The following AMN1 variants were observed in gnomAD, a reference collection of about 807,000 sequenced individuals.
AMN1 encodes the protein protein AMN1 homolog.
A neutral mutation model predicts 33.0 loss-of-function variants in AMN1; 20 were observed. The ratio of observed to expected loss-of-function variants is 0.61; its 90% CI spans 0.43 to 0.88. The LOEUF is 0.88. Ranked by LOEUF, AMN1 falls within the 40% of genes least tolerant of loss-of-function variation. The pLI is 0.00. For synonymous variants in AMN1, 114 were observed against 111.9 expected (o/e 1.02, Z -0.12); for missense variants, 246 against 307.4 (o/e 0.80, Z 1.49).
At chr12:31,680,620 TCTAA>T (rs1937965371) in intron 6 of AMN1, among the ~76,000 whole-genome samples, 2 of 152,286 alleles carry the variant, frequency 1.3e-5, no homozygotes, top group African/African-American at 4.8e-5. Flanking sequence ...TATGTTTTAT[TCTAA>T]CTAAGGTTAA....
intron 1 of AMN1, among the ~76,000 whole-genome samples, chr12:31,722,508 T>TAAAG (rs2139731962): frequency 6.6e-6 from 1 of 152,274 alleles, no homozygotes; most frequent in Non-Finnish European, 1.5e-5. Context: ...CCATGCATCT[T>TAAAG]AGTAAGGTAG....
At chr12:31,688,056 G>A (rs971889227) in intron 6 of AMN1, among the ~76,000 whole-genome samples, 5 of 152,190 alleles carry the variant, frequency 3.3e-5, no homozygotes, top group Non-Finnish European at 7.3e-5. Context: ...CCGAGTTCAA[G>A]TGATTCTCCG....
intron 1 of AMN1, among the ~76,000 whole-genome samples, chr12:31,727,615 T>C (rs1940129493): frequency 2.6e-5 from 4 of 152,252 alleles, no homozygotes; most frequent in Admixed American, 2.6e-4. Flanking sequence ...CGTCAGATAC[T>C]ACCAATGTTC....
chr12:31,704,881 G>A (rs931439561), intron 2 of AMN1, among the ~76,000 whole-genome samples: 5 of 152,156 alleles, frequency 3.3e-5, no homozygotes, highest in African/African-American at 1.2e-4. Context: ...GTCACTGAAG[G>A]ATAAGCTAAA....
intron 1 of AMN1, among the ~76,000 whole-genome samples, chr12:31,722,981 ACC>A (rs1162633136): frequency 1.3e-5 from 2 of 152,064 alleles, no homozygotes; most frequent in Admixed American, 1.3e-4. Flanking sequence ...AGCTGGTGAG[ACC>A]CTGTCTCTAC....
intron 2 of AMN1, among the ~76,000 whole-genome samples, chr12:31,707,457 T>A (rs1939289822): frequency 6.6e-6 from 1 of 152,238 alleles, no homozygotes. Context: ...ACGTACTTGC[T>A]GATGCTGCAG....
chr12:31,687,943 A>C lies in AMN1; in HGVS notation c.703+1064T>G, dbSNP rs544656633. On this transcript the variant is annotated intron_variant, in intron 6 of 6. Coordinates refer to ENST00000281471, the MANE Select transcript of AMN1 (RefSeq NM_001113402.2). This position sits in a 1 kb window ranked among gnomAD's most constrained non-coding sequence, Gnocchi z 4.1. Reference sequence around the variant, plus strand: ...AGAGCCACATTAGCCTAAGAGTCCAAATTTTTCTGACTTTTTGTTTGTTTG... The same window carrying C: ...AGAGCCACATTAGCCTAAGAGTCCACATTTTTCTGACTTTTTGTTTGTTTG... Among the ~76,000 whole-genome samples, 1 of 151,990 alleles carries C rather than the reference A, an allele frequency of 6.6e-6. No homozygotes were observed. The highest frequency in any genetic ancestry group is 1.5e-5 in the Non-Finnish European group (1 of 67,978).
chr12:31,697,602 A>T, intron 4 of AMN1, 138 bp downstream of exon 4: 5 of 1,068,766 alleles, frequency 4.7e-6, no homozygotes, highest in Non-Finnish European at 6.9e-6. Context: ...TATCTCAATT[A>T]CTTAACCACA....
At chr12:31,691,711 G>T (rs1313049302) in intron 5 of AMN1, among the ~76,000 whole-genome samples, 3 of 151,902 alleles carry the variant, frequency 2.0e-5, no homozygotes, top group Admixed American at 6.6e-5. Flanking sequence ...AATAGAAAAA[G>T]TATCCATTTC....
intron 6 of AMN1, among the ~76,000 whole-genome samples, chr12:31,674,650 C>A (rs1333438106): frequency 1.3e-5 from 2 of 152,096 alleles, no homozygotes; most frequent in Admixed American, 1.3e-4. Context: ...TGGGTGAGAG[C>A]ATTATTCAGC....
At position 31,671,708 on chromosome 12, in the gene AMN1, G is replaced by T. The variant is rs527404000; in HGVS notation, c.*596C>A. The T allele has an allele frequency of 6.6e-6, 1 of 152,284 alleles. No individual in the cohort carries two copies. Among genetic ancestry groups the T allele is most frequent in the Admixed American group, 6.5e-5 (1 of 15,284 alleles). 9.4% of individuals were successfully genotyped at this position (152,284 alleles called of 1,614,324 possible). A position where few individuals can be genotyped will look rare whatever the true frequency, so the allele number is the denominator to read the frequency against. ...CCATAAAAATCAATGAATGGATGTGGCTGGGCAAGAGCCTCTGTAATACTA... is the reference window on the plus strand; with the variant it reads ...CCATAAAAATCAATGAATGGATGTGTCTGGGCAAGAGCCTCTGTAATACTA... On this transcript the variant is annotated 3_prime_UTR_variant, in exon 7 of 7. Transcript: ENST00000281471.
chr12:31,685,819 G>GAA (rs1938237676), intron 6 of AMN1, among the ~76,000 whole-genome samples: 1 of 141,614 alleles, frequency 7.1e-6, no homozygotes, highest in Non-Finnish European at 1.5e-5. Flanking sequence ...AAGAAAGAAA[G>GAA]AAAGAAAAAA....
intron 6 of AMN1, among the ~76,000 whole-genome samples, chr12:31,686,522 G>T (rs895203604): frequency 6.6e-5 from 10 of 151,932 alleles, no homozygotes; most frequent in Non-Finnish European, 1.0e-4. Context: ...GTTACACCCT[G>T]ACAAACTCAT....
chr12:31,708,683 C>T (rs556085862), intron 2 of AMN1: 178 of 168,854 alleles, frequency 1.1e-3, no homozygotes, highest in African/African-American at 3.9e-3. Context: ...ACAGTCCTAC[C>T]GATATGTGAT....
chr12:31,714,134 C>CG (rs1939579929), intron 1 of AMN1, among the ~76,000 whole-genome samples: 1 of 151,812 alleles, frequency 6.6e-6, no homozygotes, highest in Non-Finnish European at 1.5e-5. Flanking sequence ...TACTATGAGT[C>CG]GGGGGTAAAG....
intron 6 of AMN1, among the ~76,000 whole-genome samples, chr12:31,680,444 G>T (rs1043418987): frequency 2.6e-5 from 4 of 152,076 alleles, no homozygotes; most frequent in African/African-American, 9.7e-5. Flanking sequence ...CAGGTGATCC[G>T]CCTGCCTCGG....
chr12:31,726,085 G>A lies in AMN1; in HGVS notation c.38+2886C>T, dbSNP rs542778561. Among the ~76,000 whole-genome samples, 12 of 151,712 alleles carry A rather than the reference G, an allele frequency of 7.9e-5. No individual in the cohort carries two copies. In the South Asian group the frequency reaches 1.9e-3, roughly 24 times the overall value. On this transcript the variant is annotated intron_variant, in intron 1 of 6. Transcript: ENST00000281471. The stretch of plus-strand genomic sequence containing the variant: ...CTGGATATTCTGATTCATTTTCCCC[G>A]TAAGACACTTCTTCCTCCATAATAG...
intron 3 of AMN1, among the ~76,000 whole-genome samples, chr12:31,700,667 G>GT (rs1005299812): frequency 4.6e-4 from 67 of 146,898 alleles, no homozygotes; most frequent in South Asian, 8.7e-4. Context: ...TCCATGTTTT[G>GT]TTTTTTTTTT....
In AMN1 at chr12:31,718,737, C is replaced by T. The variant is rs116264272; in HGVS notation, c.39-9312G>A. On this transcript the variant is annotated intron_variant, in intron 1 of 6. Coordinates refer to ENST00000281471, the MANE Select transcript of AMN1 (RefSeq NM_001113402.2). ...GACCCTGTTTGCCTGGGTCTATAGA[C>T]CTGTCTGCTGCCTTTTGTTCAGATA... Among the ~76,000 whole-genome samples the T allele has an allele frequency of 9.8e-3, 1,491 of 152,330 alleles. 21 individuals carry two copies. Among genetic ancestry groups the T allele is most frequent in the African/African-American group, 0.034 (1,412 of 41,582 alleles).
Sources: allele counts gnomAD v4.1 joint callset (sites outside exome capture counted in the v4.1 genomes callset), GRCh38; gene constraint gnomAD v4.1.1; non-coding constraint Gnocchi (gnomAD v3.1); transcripts MANE v1.5; gene names NCBI Gene and HGNC (gene_info 2026-07-23, HGNC 2026-07-21).